Variants in CRADD observed in about 807,000 individuals in gnomAD.
The protein encoded by CRADD is CARD and death domain containing adaptor protein.
In CRADD, 9 loss-of-function variants were observed where a neutral mutation model predicts 15.5. That is an observed-to-expected ratio of 0.58 (90% CI 0.35 to 1.01). The LOEUF is 1.01. Among genes scored for constraint, CRADD ranks in the 50% least tolerant of loss-of-function variants. The pLI is 0.02. For synonymous variants in CRADD, 118 were observed against 107.6 expected, an observed-to-expected ratio of 1.10 and a Z score of -0.60; for missense variants, 227 against 250.3, an observed-to-expected ratio of 0.91 and a Z score of 0.63.
chr12:93,795,786 A>G (rs904332197), intron 2 of CRADD, among the ~76,000 whole-genome samples: 3 of 152,216 alleles, frequency 2.0e-5, no homozygotes, highest in Non-Finnish European at 4.4e-5. Context: ...GCTTATTTAT[A>G]TAACGAAAAG....
At chr12:93,766,934 C>G (rs765622326) in intron 2 of CRADD, among the ~76,000 whole-genome samples, 35 of 152,250 alleles carry the variant, frequency 2.3e-4, no homozygotes, top group Non-Finnish European at 3.8e-4. Context: ...GATAGCTGGC[C>G]TAACTTAGAA....
intron 2 of CRADD, among the ~76,000 whole-genome samples, chr12:93,755,306 C>T (rs1484728586): frequency 6.6e-6 from 1 of 152,212 alleles, no homozygotes; most frequent in African/African-American, 2.4e-5. Context: ...CCTTATCCCT[C>T]ACAAAGGAGT....
At chr12:93,851,131 G>A (rs1324259841), downstream of CRADD, among the ~76,000 whole-genome samples, 2 of 152,180 alleles carry the variant, frequency 1.3e-5, no homozygotes, top group African/African-American at 4.8e-5. Context: ...TTAGTCTTCT[G>A]TCCTTTTATC....
intron 2 of CRADD, among the ~76,000 whole-genome samples, chr12:93,783,103 C>T (rs1404728591): frequency 6.6e-6 from 1 of 151,996 alleles, no homozygotes; most frequent in East Asian, 1.9e-4. Context: ...ACTGCTACTC[C>T]CTCCTTTTTT....
At chr12:93,820,242 T>C (rs1194637809) in intron 2 of CRADD, among the ~76,000 whole-genome samples, 1 of 152,208 alleles carries the variant, frequency 6.6e-6, no homozygotes, top group East Asian at 1.9e-4. Flanking sequence ...GTAGGAACTT[T>C]CTAGCTTGCC....
chr12:93,765,074 G>T (rs992849820), intron 2 of CRADD, among the ~76,000 whole-genome samples: 4 of 151,844 alleles, frequency 2.6e-5, no homozygotes, highest in Non-Finnish European at 5.9e-5. Flanking sequence ...TCTTGAGCAT[G>T]GTTATACATC....
chr12:93,829,348 G>A (rs1037234341), intron 2 of CRADD, among the ~76,000 whole-genome samples: 1 of 152,062 alleles, frequency 6.6e-6, no homozygotes, highest in African/African-American at 2.4e-5. Flanking sequence ...TCTGGTACAG[G>A]AGGCAGAAAT....
In CRADD at chr12:93,773,307, G is replaced by A. The variant is rs1592977603; in HGVS notation, c.299-76663G>A. Among the ~76,000 whole-genome samples, 3 of 152,284 alleles carry A rather than the reference G, an allele frequency of 2.0e-5. 1 individual carries two copies. Among genetic ancestry groups the A allele is most frequent in the Admixed American group, 6.5e-5 (1 of 15,304 alleles). ...TGTGGGAGGGACCCAGTGGGAGGTA[G>A]TTGAATCATGGGGGCAGGCCTTTCC... On this transcript the variant is annotated intron_variant, in intron 2 of 2. Transcript: ENST00000332896.
At chr12:93,806,004 C>A (rs1034992049) in intron 2 of CRADD, among the ~76,000 whole-genome samples, 1 of 152,116 alleles carries the variant, frequency 6.6e-6, no homozygotes, top group African/African-American at 2.4e-5. Context: ...GTTGCTAAGT[C>A]TTTAGACGTT....
chr12:93,711,034 A>AGGGGGGGGGG (rs1956057854), intron 2 of CRADD, among the ~76,000 whole-genome samples: 1 of 36,492 alleles, frequency 2.7e-5, no homozygotes, highest in Admixed American at 2.5e-4. Context: ...GCCCCCCTCC[A>AGGGGGGGGGG]CCCCACCCTC....
At chr12:93,684,596 T>C (rs1199667655) in intron 2 of CRADD, among the ~76,000 whole-genome samples, 1 of 152,158 alleles carries the variant, frequency 6.6e-6, no homozygotes, top group African/African-American at 2.4e-5. Context: ...CTTATTTTCA[T>C]GGAGTTCAAT....
chr12:93,881,030 G>C (rs1958495931), intron 2 of CRADD, among the ~76,000 whole-genome samples: 1 of 152,120 alleles, frequency 6.6e-6, no homozygotes, highest in African/African-American at 2.4e-5. Context: ...TGGAGGGAAG[G>C]GTCCAAGAAA....
chr12:93,858,522 T>C (rs896223832), intron 2 of CRADD, among the ~76,000 whole-genome samples: 4 of 152,194 alleles, frequency 2.6e-5, no homozygotes, highest in African/African-American at 9.6e-5. Context: ...ATGAACATCA[T>C]TGCCACTGTT....
chr12:93,810,699 A>G (rs1372327457), intron 2 of CRADD, among the ~76,000 whole-genome samples: 1 of 151,416 alleles, frequency 6.6e-6, no homozygotes, highest in Non-Finnish European at 1.5e-5. Flanking sequence ...GCTCCATGTC[A>G]TGCCTCAAGG....
chr12:93,853,739 G>A (rs756999341), downstream of CRADD, among the ~76,000 whole-genome samples: 48 of 152,292 alleles, frequency 3.2e-4, no homozygotes, highest in Non-Finnish European at 5.7e-4. Context: ...ACAAGAGTAC[G>A]TGTTCTGGGA....
chr12:93,764,506 A>G (rs1439261230), intron 2 of CRADD, among the ~76,000 whole-genome samples: 1 of 151,892 alleles, frequency 6.6e-6, no homozygotes, highest in Non-Finnish European at 1.5e-5. Context: ...TAGTCCTCTT[A>G]TTGATAGATT....
At chr12:93,756,463 T>C (rs371174364) in intron 2 of CRADD, among the ~76,000 whole-genome samples, 1 of 152,300 alleles carries the variant, frequency 6.6e-6, no homozygotes, top group African/African-American at 2.4e-5. Flanking sequence ...ACCAGACCAC[T>C]TGTAAGCCAC....
chr12:93,692,193 G>T (rs988631737), intron 2 of CRADD, among the ~76,000 whole-genome samples: 4 of 152,098 alleles, frequency 2.6e-5, no homozygotes, highest in Non-Finnish European at 5.9e-5. Context: ...AGGAGAAAAA[G>T]AATGAAAAGG....
intron 1 of CRADD, 40 bp from the exon 2 acceptor site, chr12:93,678,729 A>G (rs368542625): frequency 6.3e-7 from 1 of 1,583,862 alleles, no homozygotes; most frequent in Non-Finnish European, 8.6e-7. Context: ...GGCCACATCA[A>G]CATGTCTGTA....
Sources: gnomAD v4.1 joint callset for allele counts (sites outside exome capture counted in the v4.1 genomes callset) on GRCh38, gnomAD v4.1.1 for gene constraint, MANE v1.5 for transcripts, NCBI Gene and HGNC (gene_info 2026-07-23, HGNC 2026-07-21) for gene names.